The following PCCA variants were observed in gnomAD, a reference collection of about 807,000 sequenced individuals.
PCCA encodes the protein propionyl-CoA carboxylase subunit alpha.
In PCCA, 74 loss-of-function variants were observed where a neutral mutation model predicts 101.3. That is an observed-to-expected ratio of 0.73 (90% confidence interval 0.61 to 0.89). The LOEUF (loss-of-function observed/expected upper bound fraction) is 0.89, where lower values mean the gene tolerates loss of function less well. PCCA is among the 40% of genes least tolerant of loss of function. PCCA has a pLI of 0.00. For missense variants in PCCA, 891 were observed against 907.0 expected (o/e 0.98, Z 0.23); for synonymous variants, 294 against 313.6 (o/e 0.94, Z 0.66).
chr13:100,254,846 C>G (rs2061974441), intron 8 of PCCA, among the ~76,000 whole-genome samples: 1 of 151,874 alleles, frequency 6.6e-6, no homozygotes. Flanking sequence ...CTTTGGGAGG[C>G]CAAAGCGGGA....
intron 8 of PCCA, among the ~76,000 whole-genome samples, chr13:100,255,488 T>C (rs990893837): frequency 6.6e-6 from 1 of 152,140 alleles, no homozygotes; most frequent in African/African-American, 2.4e-5. Flanking sequence ...GGGAACTGAA[T>C]GTAGTGGAGA....
intron 1 of PCCA, among the ~76,000 whole-genome samples, chr13:100,093,172 T>A (rs1213972183): frequency 2.0e-5 from 3 of 152,092 alleles, no homozygotes; most frequent in Non-Finnish European, 4.4e-5. Context: ...TAGTGTTTCA[T>A]TGTAGGTATC....
chr13:100,426,081 G>T (rs1429196224), intron 20 of PCCA, among the ~76,000 whole-genome samples: 1 of 151,250 alleles, frequency 6.6e-6, no homozygotes, highest in Non-Finnish European at 1.5e-5. Context: ...TCTTTTCTGT[G>T]CAGTTGAAAT....
At chr13:100,183,957 C>T (rs1028177050) in intron 6 of PCCA, among the ~76,000 whole-genome samples, 1 of 152,116 alleles carries the variant, frequency 6.6e-6, no homozygotes, top group Non-Finnish European at 1.5e-5. Flanking sequence ...TGCTGTTAGG[C>T]CGTGTGCTAG....
At chr13:100,488,034 T>C (rs1233904038) in intron 21 of PCCA, among the ~76,000 whole-genome samples, 1 of 151,824 alleles carries the variant, frequency 6.6e-6, no homozygotes, top group Non-Finnish European at 1.5e-5. Flanking sequence ...CAGCCATATA[T>C]GTATATATAT....
intron 12 of PCCA, among the ~76,000 whole-genome samples, chr13:100,289,653 T>C (rs2064978698): frequency 6.6e-6 from 1 of 152,096 alleles, no homozygotes; most frequent in African/African-American, 2.4e-5. Context: ...AATTTGGAAA[T>C]CCTATTGTCC....
rs115024255 is a variant in PCCA at position 100,292,809 on chromosome 13, T to A, written c.1066-8651T>A. ...TATAAGGGTGTTTGTGTAAGAAGAG[T>A]CTGGGAGGAAAAATGGAAACTGAAA... On this transcript the variant is annotated intron_variant, in intron 12 of 23. Transcript: ENST00000376285. Among the ~76,000 whole-genome samples, 664 of 152,124 alleles carry A rather than the reference T, an allele frequency of 4.4e-3. 3 individuals are homozygous for A. Among genetic ancestry groups the A allele is most frequent in the African/African-American group, 0.015 (623 of 41,488 alleles).
intron 6 of PCCA, among the ~76,000 whole-genome samples, chr13:100,173,584 A>G (rs1246955846): frequency 6.6e-6 from 1 of 152,158 alleles, no homozygotes; most frequent in Non-Finnish European, 1.5e-5. Flanking sequence ...CATTTCTGCA[A>G]AGCAAAATAG....
intron 6 of PCCA, among the ~76,000 whole-genome samples, chr13:100,201,871 A>G (rs1302767124): frequency 2.7e-5 from 4 of 150,572 alleles, no homozygotes; most frequent in African/African-American, 9.7e-5. Flanking sequence ...AAAAAAAAAA[A>G]AAAAAAAAAA....
intron 22 of PCCA, among the ~76,000 whole-genome samples, chr13:100,515,862 G>T (rs569084108): frequency 6.6e-6 from 1 of 152,358 alleles, no homozygotes; most frequent in East Asian, 1.9e-4. Flanking sequence ...CCTTAAAAGT[G>T]CTGCTTACTC....
At chr13:100,515,713 T>C in intron 22 of PCCA, 146 bp downstream of exon 22, 2 of 920,062 alleles carry the variant, frequency 2.2e-6, no homozygotes, top group Non-Finnish European at 3.5e-6. Flanking sequence ...TTGCGTGTGT[T>C]GTCGACCTGT....
intron 22 of PCCA, among the ~76,000 whole-genome samples, chr13:100,518,494 G>T (rs1247202366): frequency 6.6e-6 from 1 of 152,132 alleles, no homozygotes; most frequent in Non-Finnish European, 1.5e-5. Flanking sequence ...GCTTCTGTAG[G>T]GTTCACACAG....
At chr13:100,212,928 A>C (rs12867712) in intron 7 of PCCA, among the ~76,000 whole-genome samples, 4,332 of 151,294 alleles carry the variant, frequency 0.029, 99 homozygotes, top group Non-Finnish European at 0.045. Flanking sequence ...TCTACTCTCT[A>C]TCACTGTGAG....
intron 9 of PCCA, among the ~76,000 whole-genome samples, chr13:100,259,660 A>T (rs1461754294): frequency 6.6e-6 from 1 of 152,112 alleles, no homozygotes; most frequent in Non-Finnish European, 1.5e-5. Context: ...TTGGGTGAGA[A>T]TTATGAAGAT....
At chr13:100,343,237 G>A (rs1257588181) in intron 18 of PCCA, among the ~76,000 whole-genome samples, 1 of 152,030 alleles carries the variant, frequency 6.6e-6, no homozygotes, top group Non-Finnish European at 1.5e-5. Context: ...ATAAAAAACG[G>A]GCAGTAGGTT....
At chr13:100,465,154 G>A (rs895786875) in intron 21 of PCCA, among the ~76,000 whole-genome samples, 1 of 152,160 alleles carries the variant, frequency 6.6e-6, no homozygotes, top group African/African-American at 2.4e-5. Flanking sequence ...CAGATTCCCA[G>A]ATCTGTTCCT....
chr13:100,270,602 A>G (rs534277231), intron 11 of PCCA, among the ~76,000 whole-genome samples: 3 of 152,360 alleles, frequency 2.0e-5, no homozygotes, highest in Non-Finnish European at 4.4e-5. Flanking sequence ...AGGAAAATAT[A>G]CAGCAGTAGG....
In PCCA at chr13:100,458,440, TACACACACACACACACACACAC is replaced by T. The variant is rs777836240; in HGVS notation, c.1899+9160_1899+9181del. 6.9e-4 allele frequency among the ~76,000 whole-genome samples: 82 copies of T among 118,820 alleles called. 1 individual carries two copies. Among genetic ancestry groups the T allele is most frequent in the East Asian group, 4.1e-3 (16 of 3,908 alleles). 78.0% of individuals were successfully genotyped at this position (118,820 alleles called of 152,430 possible). On this transcript the variant is annotated intron_variant, in intron 21 of 23. Coordinates refer to ENST00000376285, the MANE Select transcript of PCCA (RefSeq NM_000282.4). ...CTCTGCGCGCACACACACACACACA[TACACACACACACACACACACAC>T]ACACACACACACACACACACACACT...
chr13:100,446,732 T>C (rs1393656763), intron 20 of PCCA, among the ~76,000 whole-genome samples: 1 of 152,240 alleles, frequency 6.6e-6, no homozygotes. Flanking sequence ...TCAACATGTG[T>C]GTATAAAAGA....
Sources: allele counts gnomAD v4.1 joint callset (sites outside exome capture counted in the v4.1 genomes callset), GRCh38; gene constraint gnomAD v4.1.1; transcripts MANE v1.5; gene names NCBI Gene and HGNC (gene_info 2026-07-23, HGNC 2026-07-21).